Variants in COL4A4 observed in about 807,000 individuals in gnomAD.
COL4A4 encodes collagen alpha-4(IV) chain.
A neutral mutation model predicts 192.9 loss-of-function variants in COL4A4; 105 were observed. The observed-to-expected ratio is 0.54, with a 90% CI of 0.46 to 0.64. COL4A4 has a LOEUF of 0.64. Among genes scored for constraint, COL4A4 ranks in the 30% least tolerant of loss-of-function variants. The pLI is 0.00. For synonymous variants in COL4A4, 762 were observed against 769.9 expected (o/e 0.99, Z 0.17); for missense variants, 1,967 against 2,169.3 (o/e 0.91, Z 1.85).
chr2:227,095,144 CAT>C (rs1353555468), intron 19 of COL4A4, among the ~76,000 whole-genome samples: 3 of 152,152 alleles, frequency 2.0e-5, no homozygotes, highest in African/African-American at 7.2e-5. Context: ...GGGGAAGAAA[CAT>C]ATTTGATTTA....
chr2:227,111,703 C>T lies in COL4A4; in HGVS notation c.569G>A (p.Gly190Glu). Residue 190 changes from glycine to glutamate, a missense_variant, in exon 9 of 48, where the codon GGG becomes GAG. Transcript: ENST00000396625. ...TGGTAAGCCAGGCAGTCCTGGGTCC[C>T]CTCTGTCTCCCTGCAAAAATAAGAA... Reference protein sequence around the residue: ...GAVKGIQGDRGDPGLPGLPGS... With the variant: ...GAVKGIQGDREDPGLPGLPGS... The T allele has an allele frequency of 6.2e-7, 1 of 1,614,060 alleles. No homozygotes were observed. Among genetic ancestry groups the T allele is most frequent in the Non-Finnish European group, 8.5e-7 (1 of 1,179,940 alleles).
chr2:227,118,276 T>C (rs1193879866), intron 7 of COL4A4, among the ~76,000 whole-genome samples: 1 of 152,220 alleles, frequency 6.6e-6, no homozygotes, highest in African/African-American at 2.4e-5. Flanking sequence ...CAATTAACCC[T>C]GAATGATAAA....
At chr2:227,014,892 C>CTTTT (rs1179125792) in intron 44 of COL4A4, among the ~76,000 whole-genome samples, 10 of 106,582 alleles carry the variant, frequency 9.4e-5, no homozygotes, top group East Asian at 2.6e-4. Context: ...CCATGCCTGG[C>CTTTT]TTTTTTTTTT....
At chr2:227,126,422 A>G (rs1410165937) in intron 4 of COL4A4, among the ~76,000 whole-genome samples, 1 of 152,212 alleles carries the variant, frequency 6.6e-6, no homozygotes, top group Non-Finnish European at 1.5e-5. Context: ...GCAGAGTACA[A>G]CTTCACACCA....
At chr2:227,135,781 T>A (rs573540119) in intron 4 of COL4A4, among the ~76,000 whole-genome samples, 2 of 152,308 alleles carry the variant, frequency 1.3e-5, no homozygotes, top group East Asian at 3.9e-4. Context: ...TAGCTGGGAT[T>A]ACAGGCGCCC....
intron 20 of COL4A4, among the ~76,000 whole-genome samples, chr2:227,093,715 C>T (rs2150679472): frequency 6.6e-6 from 1 of 151,690 alleles, no homozygotes; most frequent in African/African-American, 2.4e-5. Context: ...AATAATAAAA[C>T]TCCAGTCTTC....
At chr2:227,060,101 G>GAAAA (rs71422223) in intron 27 of COL4A4, 35 bp downstream of exon 27, 13,227 of 495,964 alleles carry the variant, frequency 0.027, 902 homozygotes, top group African/African-American at 0.073. Context: ...TCCCAAAGCA[G>GAAAA]AAAAAAAAAA....
At chr2:227,009,014 A>G (rs1962862013) in intron 46 of COL4A4, among the ~76,000 whole-genome samples, 1 of 152,218 alleles carries the variant, frequency 6.6e-6, no homozygotes, top group Non-Finnish European at 1.5e-5. Context: ...TGATGGTACA[A>G]AGACCAGGCA....
rs200578656 is a variant in COL4A4, at chr2:227,053,998, A to AT, written c.2860+595dup. Among the ~76,000 whole-genome samples the AT allele has an allele frequency of 9.1e-3, 1,393 of 152,242 alleles. 20 individuals carry two copies. Among genetic ancestry groups the AT allele is most frequent in the African/African-American group, 0.032 (1,311 of 41,540 alleles). On this transcript the variant is annotated intron_variant, in intron 31 of 47. Coordinates refer to ENST00000396625, the MANE Select transcript of COL4A4 (RefSeq NM_000092.5). Reference sequence around the variant, plus strand: ...CTGTACAGCACATGAGATGCGAATGATTTTTACACTGTGAAATGGTTGAGG... The same window carrying AT: ...CTGTACAGCACATGAGATGCGAATGATTTTTTACACTGTGAAATGGTTGAGG...
Position 227,094,205 on chromosome 2 carries a change from G to C in COL4A4, c.1289C>G (p.Ser430Cys). 6.2e-7 allele frequency: 1 copy of C among 1,613,788 alleles called. No individual in the cohort carries two copies. Among genetic ancestry groups the C allele is most frequent in the Non-Finnish European group, 8.5e-7 (1 of 1,179,868 alleles). Residue 430 changes from serine to cysteine, a missense_variant, in exon 20 of 48, where the codon TCT becomes TGT. Ser to Cys is a moderately radical substitution (Grantham distance 112). Transcript: ENST00000396625. ...GEAGIPGRPD[S>C]APGKPGKPGS... ...TGGCTTCCCTGGTTTTCCTGGAGCA[G>C]AATCAGGTCTCCCAGGAATACCAGC... is the stretch of plus-strand genomic sequence containing the variant.
chr2:227,102,269 C>T (rs144748474), intron 15 of COL4A4, among the ~76,000 whole-genome samples: 1 of 152,176 alleles, frequency 6.6e-6, no homozygotes, highest in African/African-American at 2.4e-5. Flanking sequence ...TTGCTCTGTG[C>T]ATCATTAGCA....
intron 43 of COL4A4, among the ~76,000 whole-genome samples, chr2:227,025,425 G>A (rs1164212161): frequency 2.0e-5 from 3 of 152,120 alleles, no homozygotes; most frequent in African/African-American, 7.2e-5. Flanking sequence ...ATTTTTTAAT[G>A]TTGTATATAC....
chr2:226,975,697 T>C, the COL4A4 span, among the ~76,000 whole-genome samples: 1 of 152,236 alleles, frequency 6.6e-6, no homozygotes, highest in African/African-American at 2.4e-5. Flanking sequence ...TCTGTTAGGC[T>C]TGGAATTTTC....
chr2:226,980,806 TA>T, the COL4A4 span, among the ~76,000 whole-genome samples: 190 of 152,352 alleles, frequency 1.2e-3, no homozygotes, highest in South Asian at 0.01. Context: ...GATTGATGTT[TA>T]AAAAATTTAG....
intron 1 of COL4A4, among the ~76,000 whole-genome samples, chr2:227,151,537 A>T (rs1307872253): frequency 7.6e-6 from 1 of 132,056 alleles, no homozygotes; most frequent in Admixed American, 8.2e-5. Flanking sequence ...TTCAACATAA[A>T]CAAGAAGTTG....
intron 2 of COL4A4, among the ~76,000 whole-genome samples, chr2:227,145,072 C>G (rs2063459765): frequency 6.6e-6 from 1 of 152,036 alleles, no homozygotes; most frequent in South Asian, 2.1e-4. Context: ...TAGTCCAGGG[C>G]CTTATAAGTG....
chr2:226,986,322 T>C, the COL4A4 span, among the ~76,000 whole-genome samples: 1 of 152,232 alleles, frequency 6.6e-6, no homozygotes, highest in Non-Finnish European at 1.5e-5. Context: ...GATCTAAATG[T>C]CTGGAATTTA....
chr2:227,080,386 GT>G, intron 24 of COL4A4, 56 bp downstream of exon 24: 1 of 1,424,290 alleles, frequency 7.0e-7, no homozygotes, highest in Non-Finnish European at 9.9e-7. Flanking sequence ...GGAAATAGTT[GT>G]TTGTATGACC....
chr2:227,027,765 A>G, intron 42 of COL4A4, 137 bp downstream of exon 42: 1 of 693,954 alleles, frequency 1.4e-6, no homozygotes, highest in East Asian at 2.6e-5. Context: ...GCGGCCTGAA[A>G]GAAATATACT....
Sources: allele counts gnomAD v4.1 joint callset (sites outside exome capture counted in the v4.1 genomes callset), GRCh38; gene constraint gnomAD v4.1.1; transcripts MANE v1.5; gene names NCBI Gene and HGNC (gene_info 2026-07-23, HGNC 2026-07-21).